The following FSTL5 variants were observed in gnomAD, a reference collection of about 807,000 sequenced individuals.
The protein encoded by FSTL5 is follistatin-related protein 5.
A neutral mutation model predicts 89.1 loss-of-function variants in FSTL5; 62 were observed. The observed-to-expected ratio is 0.70, with a 90% CI of 0.57 to 0.86. The LOEUF is 0.86. Ranked by LOEUF, FSTL5 falls within the 40% of genes least tolerant of loss-of-function variation. The probability of loss-of-function intolerance (pLI) is 0.00; values close to 1 mark genes in which losing one functional copy is unlikely to be tolerated. For synonymous variants in FSTL5, 383 were observed against 346.2 expected, an observed-to-expected ratio of 1.11 and a Z score of -1.18; for missense variants, 1,057 against 1,001.6, an observed-to-expected ratio of 1.06 and a Z score of -0.75.
intron 3 of FSTL5, among the ~76,000 whole-genome samples, chr4:162,024,088 A>C (rs1189573470): frequency 2.6e-5 from 4 of 152,190 alleles, no homozygotes; most frequent in African/African-American, 4.8e-5. Flanking sequence ...TGGTGTTTGA[A>C]ATGGTTAAGT....
chr4:161,649,862 C>T (rs891913514), intron 7 of FSTL5, among the ~76,000 whole-genome samples: 5 of 152,112 alleles, frequency 3.3e-5, no homozygotes, highest in African/African-American at 4.8e-5. Context: ...TGCTTTATAC[C>T]GCTACGGAAC....
chr4:161,404,517 C>G (rs1201314721), intron 15 of FSTL5, among the ~76,000 whole-genome samples: 3 of 152,084 alleles, frequency 2.0e-5, no homozygotes, highest in Non-Finnish European at 4.4e-5. Context: ...AAGAATGCCT[C>G]AACATAGGGC....
chr4:161,831,993 TTC>T (rs2126862035), intron 4 of FSTL5, among the ~76,000 whole-genome samples: 1 of 152,146 alleles, frequency 6.6e-6, no homozygotes, highest in South Asian at 2.1e-4. Context: ...AAACCATGAA[TTC>T]ACTGAACATA....
intron 10 of FSTL5, among the ~76,000 whole-genome samples, chr4:161,520,598 C>G (rs765747507): frequency 2.0e-5 from 3 of 152,058 alleles, no homozygotes; most frequent in Non-Finnish European, 4.4e-5. Flanking sequence ...ATATCCTATA[C>G]TCTACCATAC....
In FSTL5 at chr4:161,637,367, T is replaced by C. The variant is rs1338609272; in HGVS notation, c.894+18961A>G. 2.9e-5 allele frequency among the ~76,000 whole-genome samples: 3 copies of C among 102,844 alleles called. No homozygotes were observed. The Admixed American group carries it at 3.2e-4, about 11-fold the overall frequency. The allele number at this position is 102,844 out of a possible 152,430, so 67.5% of individuals were successfully genotyped here. On this transcript the variant is annotated intron_variant, in intron 7 of 15. Coordinates refer to ENST00000306100, the MANE Select transcript of FSTL5 (RefSeq NM_020116.5). ...CATTGTAGATTCTGGATATTAGCCC[T>C]TTGTCAGATGAGTAGGTTGCAAAAA...
intron 3 of FSTL5, among the ~76,000 whole-genome samples, chr4:161,970,794 A>G (rs776282616): frequency 7.2e-5 from 11 of 152,148 alleles, no homozygotes; most frequent in Non-Finnish European, 1.5e-4. Flanking sequence ...TTCAGAATAT[A>G]GTCTCTGAAT....
chr4:161,844,484 G>A (rs1021369001), intron 4 of FSTL5, among the ~76,000 whole-genome samples: 4 of 152,066 alleles, frequency 2.6e-5, no homozygotes, highest in East Asian at 1.9e-4. Flanking sequence ...ATATGCCCAC[G>A]TATGTTTATT....
intron 3 of FSTL5, among the ~76,000 whole-genome samples, chr4:161,927,507 AT>A (rs1734160277): frequency 6.6e-6 from 1 of 151,500 alleles, no homozygotes; most frequent in African/African-American, 2.4e-5. Flanking sequence ...TGGTTAATAT[AT>A]TTTTTAATGA....
intron 1 of FSTL5, among the ~76,000 whole-genome samples, chr4:162,134,970 C>T (rs955292379): frequency 2.0e-5 from 3 of 152,184 alleles, no homozygotes; most frequent in Admixed American, 6.5e-5. Context: ...AGCTATTCTA[C>T]GTTTTGAAAG....
At chr4:161,666,358 T>G (rs28754568) in intron 6 of FSTL5, among the ~76,000 whole-genome samples, 2,531 of 152,212 alleles carry the variant, frequency 0.017, 74 homozygotes, top group African/African-American at 0.057. Context: ...ACCCTTCAAA[T>G]TGGCTTGAAT....
chr4:161,424,950 C>T (rs952480387), intron 15 of FSTL5, among the ~76,000 whole-genome samples: 2 of 152,178 alleles, frequency 1.3e-5, no homozygotes, highest in Admixed American at 1.3e-4. Context: ...GCTTTTTCCC[C>T]ATTGTTCTGT....
intron 3 of FSTL5, among the ~76,000 whole-genome samples, chr4:161,943,830 CA>C (rs1734663607): frequency 6.6e-6 from 1 of 152,060 alleles, no homozygotes; most frequent in Admixed American, 6.6e-5. Context: ...GCTAGGATAA[CA>C]GGCGTGAGCC....
chr4:161,396,040 C>T (rs566812637), intron 15 of FSTL5, among the ~76,000 whole-genome samples: 1 of 151,882 alleles, frequency 6.6e-6, no homozygotes, highest in Non-Finnish European at 1.5e-5. Flanking sequence ...CAGGAGGAAG[C>T]AGAGACTTGA....
chr4:161,820,888 A>G (rs1730469828), intron 4 of FSTL5, among the ~76,000 whole-genome samples: 1 of 151,652 alleles, frequency 6.6e-6, no homozygotes, highest in Non-Finnish European at 1.5e-5. Flanking sequence ...AACACTTAGT[A>G]TTCTTTAATA....
chr4:162,010,289 A>G (rs1384737318), intron 3 of FSTL5, among the ~76,000 whole-genome samples: 1 of 152,168 alleles, frequency 6.6e-6, no homozygotes, highest in Non-Finnish European at 1.5e-5. Context: ...AAATGCAGAG[A>G]AAATAAAAAT....
At chr4:161,536,845 ACAT>A (rs1045157931) in intron 10 of FSTL5, among the ~76,000 whole-genome samples, 1 of 152,204 alleles carries the variant, frequency 6.6e-6, no homozygotes, top group African/African-American at 2.4e-5. Flanking sequence ...TGTTTCACAA[ACAT>A]CATCATAAGG....
intron 2 of FSTL5, among the ~76,000 whole-genome samples, chr4:162,063,604 A>G (rs1296383117): frequency 6.6e-6 from 1 of 151,922 alleles, no homozygotes; most frequent in African/African-American, 2.4e-5. Context: ...AGAATATGCT[A>G]TCTTAAATTT....
chr4:161,923,489 C>T (rs1380706939), intron 3 of FSTL5, among the ~76,000 whole-genome samples: 1 of 151,688 alleles, frequency 6.6e-6, no homozygotes, highest in Admixed American at 6.6e-5. Context: ...CTATATGGGG[C>T]TGCCATTATA....
chr4:161,484,319 T>C (rs13134986), intron 12 of FSTL5, among the ~76,000 whole-genome samples: 15,921 of 152,208 alleles, frequency 0.1, 1,081 homozygotes, highest in Non-Finnish European at 0.16. Context: ...CTATTCTCCT[T>C]GCTTTCACCT....
Sources: allele counts gnomAD v4.1 joint callset (sites outside exome capture counted in the v4.1 genomes callset), GRCh38; gene constraint gnomAD v4.1.1; transcripts MANE v1.5; gene names NCBI Gene and HGNC (gene_info 2026-07-23, HGNC 2026-07-21).